Variants in MAD1L1 observed in about 807,000 individuals in gnomAD.
MAD1L1 encodes the protein mitotic spindle assembly checkpoint protein MAD1.
Under a neutral mutation model 96.9 loss-of-function variants are expected in MAD1L1, and 95 were observed. That is an observed-to-expected ratio of 0.98 (90% confidence interval 0.83 to 1.16). The LOEUF (loss-of-function observed/expected upper bound fraction) is 1.16. MAD1L1 is among the 50% of genes most tolerant of loss of function. MAD1L1 has a pLI of 0.00. For synonymous variants in MAD1L1, 473 were observed against 396.6 expected, an observed-to-expected ratio of 1.19 and a Z score of -2.29; for missense variants, 1,007 against 954.4, an observed-to-expected ratio of 1.06 and a Z score of -0.73.
chr7:2,207,508 T>C (rs969139191), intron 10 of MAD1L1, among the ~76,000 whole-genome samples: 7 of 152,058 alleles, frequency 4.6e-5, no homozygotes, highest in African/African-American at 1.7e-4. Context: ...TGATGAAGCC[T>C]CCATAAAAAC....
chr7:2,026,039 T>A (rs1216651680), intron 12 of MAD1L1, among the ~76,000 whole-genome samples: 1 of 152,182 alleles, frequency 6.6e-6, no homozygotes, highest in Non-Finnish European at 1.5e-5. Flanking sequence ...AAGAAATGAT[T>A]TTTACGCTGA....
chr7:1,900,060 A>C (rs1167682056), intron 17 of MAD1L1, among the ~76,000 whole-genome samples: 9 of 152,270 alleles, frequency 5.9e-5, no homozygotes, highest in African/African-American at 1.9e-4. Context: ...CACGTGCCGG[A>C]GGCCACCGCC....
Position 2,199,560 on chromosome 7 carries a change from T to C in MAD1L1, c.986+13652A>G, listed in dbSNP as rs17132317. On this transcript the variant is annotated intron_variant, in intron 10 of 18. Coordinates refer to ENST00000265854, the MANE Select transcript of MAD1L1 (RefSeq NM_001013836.2). The stretch of plus-strand genomic sequence containing the variant: ...TCTTAGAATCACTCTGCTACACGGA[T>C]GTCCCTGGAGTTTCGATTCCTAAAT... 7.5e-4 allele frequency among the ~76,000 whole-genome samples: 115 copies of C among 152,402 alleles called. 3 individuals carry two copies. In the East Asian group the frequency reaches 0.021, roughly 28 times the overall value.
At chr7:2,163,837 A>G (rs1214937707) in intron 10 of MAD1L1, among the ~76,000 whole-genome samples, 1 of 152,126 alleles carries the variant, frequency 6.6e-6, no homozygotes, top group East Asian at 1.9e-4. Flanking sequence ...GACACAAAGC[A>G]TCTCCCTCAT....
At chr7:1,983,540 C>G (rs1781022321) in intron 14 of MAD1L1, among the ~76,000 whole-genome samples, 1 of 152,192 alleles carries the variant, frequency 6.6e-6, no homozygotes, top group Non-Finnish European at 1.5e-5. Flanking sequence ...AGATATAATT[C>G]ATAATTCTTT....
chr7:2,231,866 T>C (rs927837486), intron 1 of MAD1L1, among the ~76,000 whole-genome samples: 3 of 152,196 alleles, frequency 2.0e-5, no homozygotes, highest in African/African-American at 7.2e-5. Flanking sequence ...ACTTGCAAAG[T>C]TGTGGGGAAC....
intron 11 of MAD1L1, chr7:2,089,051 G>C (rs911851282): frequency 3.3e-5 from 5 of 152,318 alleles, no homozygotes; most frequent in African/African-American, 7.2e-5. Context: ...AAGCAGGCAG[G>C]GATGGGTGTG....
At chr7:1,847,577 T>C (rs1052871755) in intron 18 of MAD1L1, 9 of 471,016 alleles carry the variant, frequency 1.9e-5, no homozygotes, top group Non-Finnish European at 4.0e-5. Flanking sequence ...TCGGCCCATG[T>C]TCTGAAACCG....
intron 11 of MAD1L1, among the ~76,000 whole-genome samples, chr7:2,141,149 G>A (rs999256519): frequency 1.3e-5 from 2 of 152,248 alleles, no homozygotes; most frequent in Non-Finnish European, 2.9e-5. Flanking sequence ...CGCCTTGCGG[G>A]CTCTGCCTGG....
intron 17 of MAD1L1, among the ~76,000 whole-genome samples, chr7:1,920,469 A>C (rs1220388582): frequency 6.6e-6 from 1 of 152,208 alleles, no homozygotes; most frequent in Non-Finnish European, 1.5e-5. Context: ...GAAGTGGTTA[A>C]AACAGGAAGA....
chr7:2,105,670 G>T (rs1340209674), intron 11 of MAD1L1, among the ~76,000 whole-genome samples: 1 of 152,114 alleles, frequency 6.6e-6, no homozygotes, highest in Non-Finnish European at 1.5e-5. Context: ...TCTCACCACA[G>T]CCCTGCTTTA....
At chr7:1,978,430 G>C (rs1305437310) in intron 15 of MAD1L1, among the ~76,000 whole-genome samples, 2 of 152,222 alleles carry the variant, frequency 1.3e-5, no homozygotes, top group African/African-American at 2.4e-5. Flanking sequence ...CAGCACCAAT[G>C]CTTGGTGAGC....
At chr7:2,178,033 GAATT>G (rs1415822983) in intron 10 of MAD1L1, among the ~76,000 whole-genome samples, 1 of 152,222 alleles carries the variant, frequency 6.6e-6, no homozygotes, top group African/African-American at 2.4e-5. Flanking sequence ...AACAGGATAA[GAATT>G]AATTACACAG....
chr7:2,197,905 G>T (rs942025200), intron 10 of MAD1L1, among the ~76,000 whole-genome samples: 6 of 151,472 alleles, frequency 4.0e-5, no homozygotes, highest in Non-Finnish European at 8.8e-5. Flanking sequence ...CCGGGTCCCA[G>T]CCCCCAGGTC....
At chr7:2,023,036 C>T (rs1386669066) in intron 12 of MAD1L1, among the ~76,000 whole-genome samples, 1 of 152,126 alleles carries the variant, frequency 6.6e-6, no homozygotes, top group African/African-American at 2.4e-5. Flanking sequence ...TCAAAATATG[C>T]GAGGAAAACC....
chr7:2,042,328 C>T (rs542720017), intron 12 of MAD1L1, among the ~76,000 whole-genome samples: 5 of 152,196 alleles, frequency 3.3e-5, no homozygotes, highest in South Asian at 2.1e-4. Flanking sequence ...CACAGGCACA[C>T]GGACACACGC....
At chr7:1,973,638 C>T (rs1325863802) in intron 15 of MAD1L1, among the ~76,000 whole-genome samples, 3 of 152,138 alleles carry the variant, frequency 2.0e-5, no homozygotes, top group East Asian at 1.9e-4. Context: ...CTGCCTGTCT[C>T]GCCACCACCA....
chr7:2,047,707 T>C (rs1316602184), intron 12 of MAD1L1, among the ~76,000 whole-genome samples: 1 of 152,122 alleles, frequency 6.6e-6, no homozygotes, highest in Admixed American at 6.5e-5. Flanking sequence ...ATGTGCATGC[T>C]CAGACACATG....
chr7:2,168,313 A>C (rs2128593178), intron 10 of MAD1L1, among the ~76,000 whole-genome samples: 1 of 152,332 alleles, frequency 6.6e-6, no homozygotes, highest in East Asian at 1.9e-4. Context: ...AGTGAATTGA[A>C]AATCAAGTAA....
Sources: allele counts gnomAD v4.1 joint callset (sites outside exome capture counted in the v4.1 genomes callset), GRCh38; gene constraint gnomAD v4.1.1; transcripts MANE v1.5; gene names NCBI Gene and HGNC (gene_info 2026-07-23, HGNC 2026-07-21).